Variants in ITIH2 observed in about 807,000 individuals in gnomAD.
ITIH2 encodes inter-alpha-trypsin inhibitor heavy chain H2.
Under a neutral mutation model 104.4 loss-of-function variants are expected in ITIH2, and 103 were observed. The ratio of observed to expected loss-of-function variants is 0.99; its 90% CI spans 0.84 to 1.16. The LOEUF is 1.16. ITIH2 is among the 50% of genes most tolerant of loss of function. The pLI, the probability that ITIH2 is intolerant of heterozygous loss-of-function variation, is 0.00. For synonymous variants in ITIH2, 436 were observed against 435.4 expected, an observed-to-expected ratio of 1.00 and a Z score of -0.02; for missense variants, 1,108 against 1,162.4, an observed-to-expected ratio of 0.95 and a Z score of 0.68.
chr10:7,746,816 T>C, intron 20 of ITIH2, 112 bp downstream of exon 20: 1 of 657,818 alleles, frequency 1.5e-6, no homozygotes. Flanking sequence ...TACATCACAC[T>C]AAGCAGTTCA....
intron 15 of ITIH2, 88 bp downstream of exon 15, chr10:7,735,179 C>T: frequency 8.3e-7 from 1 of 1,208,540 alleles, no homozygotes; most frequent in Non-Finnish European, 1.1e-6. Flanking sequence ...CTCTCTCCCA[C>T]CCCAGCCCAC....
intron 15 of ITIH2, among the ~76,000 whole-genome samples, chr10:7,736,876 T>A (rs886280585): frequency 4.6e-5 from 7 of 152,174 alleles, no homozygotes; most frequent in African/African-American, 1.7e-4. Flanking sequence ...ATGGCAAGTG[T>A]CTGGTTATAT....
At chr10:7,741,681 G>A (rs1243970920) in intron 16 of ITIH2, among the ~76,000 whole-genome samples, 2 of 152,136 alleles carry the variant, frequency 1.3e-5, no homozygotes, top group Non-Finnish European at 2.9e-5. Context: ...CCTAAAATGA[G>A]GGTCAAGTCA....
chr10:7,738,848 C>G, intron 16 of ITIH2, 90 bp downstream of exon 16: 2 of 1,344,470 alleles, frequency 1.5e-6, no homozygotes, highest in Non-Finnish European at 2.0e-6. Context: ...TGCAGCGGCT[C>G]ACGCCTGTAA....
At chr10:7,729,725 C>T in intron 11 of ITIH2, 1 of 430,080 alleles carries the variant, frequency 2.3e-6, no homozygotes, top group Non-Finnish European at 4.1e-6. Context: ...ATGTTGTTTC[C>T]AATATGTTGC....
chr10:7,735,674 C>CTTTTCT (rs1315754609), intron 15 of ITIH2, among the ~76,000 whole-genome samples: 12 of 130,554 alleles, frequency 9.2e-5, no homozygotes, highest in African/African-American at 3.3e-4. Flanking sequence ...CTTTTCTTTT[C>CTTTTCT]TTTTTTTTTT....
intron 6 of ITIH2, among the ~76,000 whole-genome samples, chr10:7,720,368 A>G (rs1834890078): frequency 6.6e-6 from 1 of 152,204 alleles, no homozygotes; most frequent in Non-Finnish European, 1.5e-5. Flanking sequence ...AATGGCAGCT[A>G]TGACTGTGGT....
chr10:7,705,310 A>T, intron 2 of ITIH2, 128 bp downstream of exon 2: 1 of 693,436 alleles, frequency 1.4e-6, no homozygotes, highest in South Asian at 1.8e-5. Flanking sequence ...AAGAGTCCAG[A>T]CTTCTTACAC....
At chr10:7,729,181 C>T (rs934361761) in intron 11 of ITIH2, among the ~76,000 whole-genome samples, 8 of 152,070 alleles carry the variant, frequency 5.3e-5, no homozygotes, top group Admixed American at 4.6e-4. Flanking sequence ...GACAGGGCGG[C>T]GTGTGCCTGT....
chr10:7,737,678 T>TATATTATATATTATATTCTATATA (rs754418959), intron 15 of ITIH2, among the ~76,000 whole-genome samples: 3 of 15,656 alleles, frequency 1.9e-4, no homozygotes, highest in African/African-American at 2.8e-4. Context: ...TATTCTATAT[T>TATATTATATATTATATTCTATATA]TTCTATATTA....
Position 7,707,098 on chromosome 10 carries a change from T to A in ITIH2, c.160-103T>A, listed in dbSNP as rs1347614771. On this transcript the variant is annotated intron_variant, in intron 2 of 20. Coordinates refer to ENST00000358415, the MANE Select transcript of ITIH2 (RefSeq NM_002216.3). ...CAGTGAATGAATAACAGCTCAGTATTGAAGAAAAATAAAATTTCTTTTTTG... is the reference window on the plus strand; with the variant it reads ...CAGTGAATGAATAACAGCTCAGTATAGAAGAAAAATAAAATTTCTTTTTTG... 4.2e-6 allele frequency: 3 copies of A among 721,924 alleles called. No homozygotes were observed. The Middle Eastern group carries it at 7.3e-4, about 175-fold the overall frequency. 44.7% of individuals were successfully genotyped at this position (721,924 alleles called of 1,614,324 possible).
chr10:7,730,321 C>T (rs1039017963), intron 12 of ITIH2, among the ~76,000 whole-genome samples, 188 bp downstream of exon 12: 3 of 152,192 alleles, frequency 2.0e-5, no homozygotes, highest in African/African-American at 7.2e-5. Context: ...CATATTTCTG[C>T]AGTAACAGTG....
At chr10:7,744,314 C>T (rs766906736) in intron 18 of ITIH2, 34 bp downstream of exon 18, 174 of 1,511,286 alleles carry the variant, frequency 1.2e-4, no homozygotes, top group Non-Finnish European at 1.5e-4. Flanking sequence ...TGGGCCTGTC[C>T]GTGACACACG....
intron 15 of ITIH2, among the ~76,000 whole-genome samples, chr10:7,737,345 G>A (rs1003116122): frequency 1.4e-5 from 2 of 147,130 alleles, no homozygotes; most frequent in Admixed American, 7.0e-5. Flanking sequence ...CTCTTTCTTG[G>A]GGACTGGTTC....
chr10:7,727,262 G>A, intron 10 of ITIH2, 144 bp downstream of exon 10: 1 of 678,488 alleles, frequency 1.5e-6, no homozygotes, highest in Non-Finnish European at 2.5e-6. Flanking sequence ...GGTAATGGAT[G>A]AATGCTAAGT....
At chr10:7,706,375 C>CA (rs1588448702) in intron 2 of ITIH2, among the ~76,000 whole-genome samples, 3 of 152,254 alleles carry the variant, frequency 2.0e-5, no homozygotes, top group East Asian at 1.9e-4. Context: ...GTTCACCCAC[C>CA]ACCCTTAAGC....
At chr10:7,710,808 T>C (rs1834790467) in intron 4 of ITIH2, among the ~76,000 whole-genome samples, 2 of 152,176 alleles carry the variant, frequency 1.3e-5, no homozygotes, top group South Asian at 4.1e-4. Flanking sequence ...TCTGTACTGG[T>C]ATTATATGAC....
At chr10:7,722,917 C>T (rs1355966584) in intron 8 of ITIH2, among the ~76,000 whole-genome samples, 4 of 152,100 alleles carry the variant, frequency 2.6e-5, no homozygotes, top group Admixed American at 1.3e-4. Flanking sequence ...GTTAGCAGGG[C>T]GCCTGGAACA....
intron 20 of ITIH2, 135 bp from the exon 21 acceptor site, chr10:7,749,052 A>C (rs1425058693): frequency 5.0e-6 from 4 of 806,158 alleles, no homozygotes; most frequent in Non-Finnish European, 6.1e-6. Flanking sequence ...TTTTCACATG[A>C]CTTGGGGAGC....
Sources: allele counts gnomAD v4.1 joint callset (sites outside exome capture counted in the v4.1 genomes callset), GRCh38; gene constraint gnomAD v4.1.1; transcripts MANE v1.5; gene names NCBI Gene and HGNC (gene_info 2026-07-23, HGNC 2026-07-21).